Variants in TEX10 observed in about 807,000 individuals in gnomAD.
TEX10 encodes the protein testis expressed 10, also known as testis-expressed protein 10.
A neutral mutation model predicts 104.4 loss-of-function variants in TEX10; 24 were observed. The ratio of observed to expected loss-of-function variants is 0.23; its 90% confidence interval spans 0.17 to 0.32. TEX10 has a LOEUF of 0.32. Ranked by LOEUF, TEX10 falls within the 10% of genes least tolerant of loss-of-function variation. The probability of loss-of-function intolerance (pLI) is 1.00; values close to 1 mark genes in which losing one functional copy is unlikely to be tolerated. For synonymous variants in TEX10, 396 were observed against 393.4 expected (o/e 1.01, Z -0.08); for missense variants, 921 against 1,083.9 (o/e 0.85, Z 2.11).
intron 4 of TEX10, among the ~76,000 whole-genome samples, chr9:100,344,992 A>G (rs556268556): frequency 6.6e-6 from 1 of 152,344 alleles, no homozygotes; most frequent in Non-Finnish European, 1.5e-5. Flanking sequence ...GACTGTAAGT[A>G]CTATATACTT....
At chr9:100,325,745 G>T (rs543343724) in intron 9 of TEX10, among the ~76,000 whole-genome samples, 1 of 152,220 alleles carries the variant, frequency 6.6e-6, no homozygotes, top group African/African-American at 2.4e-5. Context: ...TGGCCAGGCT[G>T]GTCTTGAACT....
chr9:100,331,140 A>G (rs984473233), intron 5 of TEX10, among the ~76,000 whole-genome samples: 1 of 152,198 alleles, frequency 6.6e-6, no homozygotes, highest in Non-Finnish European at 1.5e-5. Flanking sequence ...ACATGCCTGT[A>G]ATCCCAGCTA....
At chr9:100,331,099 CAA>C (rs58950373) in intron 5 of TEX10, among the ~76,000 whole-genome samples, 25 of 147,192 alleles carry the variant, frequency 1.7e-4, no homozygotes, top group Admixed American at 2.7e-4. Flanking sequence ...CTACTAAATA[CAA>C]AAAAAAAAAA....
chr9:100,320,319 C>A lies in TEX10; in HGVS notation c.2148G>T (p.Val716=). 1 of 1,613,320 alleles carries A rather than the reference C, an allele frequency of 6.2e-7. No homozygotes were observed. Among genetic ancestry groups the A allele is most frequent in the South Asian group, 1.1e-5 (1 of 90,950 alleles). Residue 716 remains valine (V), a synonymous_variant, in exon 11 of 15, where the codon GTG becomes GTT. Coordinates refer to ENST00000374902, the MANE Select transcript of TEX10 (RefSeq NM_017746.4). ...GATCCAAATCTGTAAGGTAGAGAAG[C>A]ACAGGGGAAAGCTGTGTCTGGATGA... is the stretch of plus-strand genomic sequence containing the variant. The part of the protein sequence containing the change: ...PHVIQTQLSP[V]LLYLTDLDQF...
intron 5 of TEX10, among the ~76,000 whole-genome samples, chr9:100,337,255 C>T (rs1191395586): frequency 1.3e-5 from 2 of 152,180 alleles, no homozygotes; most frequent in Non-Finnish European, 2.9e-5. Context: ...GCAACTAGTA[C>T]AATAAGTGCC....
chr9:100,330,855 C>T (rs138348789), intron 5 of TEX10, among the ~76,000 whole-genome samples: 304 of 152,300 alleles, frequency 2.0e-3, no homozygotes, highest in Non-Finnish European at 2.0e-3. Flanking sequence ...GTGGCCCATG[C>T]CTGTAATCCC....
At position 100,346,987 on chromosome 9, in the gene TEX10, T is replaced by A. The variant is rs780370431; in HGVS notation, c.600A>T (p.Ile200=). ...TCCAGGACTGGGATCTGTCTCTATTTATCAGTCCTTTGGACAGCTGCTGAT... is the reference window on the plus strand; with the variant it reads ...TCCAGGACTGGGATCTGTCTCTATTAATCAGTCCTTTGGACAGCTGCTGAT... ...ISHQQLSKGL[I]NRDRSQSWIL... Residue 200 remains isoleucine (I), a synonymous_variant, in exon 3 of 15, where the codon ATA becomes ATT. Coordinates refer to ENST00000374902, the MANE Select transcript of TEX10 (RefSeq NM_017746.4). 4 of 1,614,226 alleles carry A rather than the reference T, an allele frequency of 2.5e-6. No individual in the cohort carries two copies. Among genetic ancestry groups the A allele is most frequent in the Non-Finnish European group, 1.7e-6 (2 of 1,180,020 alleles).
chr9:100,342,930 G>A (rs1433413334), intron 4 of TEX10, among the ~76,000 whole-genome samples: 4 of 151,890 alleles, frequency 2.6e-5, no homozygotes, highest in African/African-American at 9.7e-5. Context: ...GGTAGATCAC[G>A]AGGTCAGGAG....
chr9:100,329,158 A>C lies in TEX10; in HGVS notation c.1607T>G (p.Leu536Arg). The C allele has an allele frequency of 6.2e-7, 1 of 1,603,522 alleles. No individual in the cohort carries two copies. Among genetic ancestry groups the C allele is most frequent in the Non-Finnish European group, 8.5e-7 (1 of 1,177,666 alleles). Residue 536 changes from leucine (L) to arginine (R), a missense_variant, in exon 7 of 15, where the codon CTG (leucine) becomes CGG (arginine). Leu to Arg is a moderately radical substitution (Grantham distance 102). Transcript: ENST00000374902. ...FFSKIYQTEE[L>R]RSCRFRYRSK... ...ATTTTACCTGAATCTACAAGATCTC[A>C]GTTCTTCTGTCTGATAGATTTTACT...
intron 11 of TEX10, among the ~76,000 whole-genome samples, chr9:100,319,919 C>A (rs1834523602): frequency 6.6e-6 from 1 of 152,098 alleles, no homozygotes; most frequent in African/African-American, 2.4e-5. Flanking sequence ...ATTCTTAAAA[C>A]CAAAGGAACT....
intron 5 of TEX10, among the ~76,000 whole-genome samples, chr9:100,334,772 C>T (rs1291882803): frequency 6.6e-6 from 1 of 151,356 alleles, no homozygotes; most frequent in Non-Finnish European, 1.5e-5. Flanking sequence ...TCAAGTGATT[C>T]TCCCACCTCA....
At chr9:100,349,090 A>G (rs1000899400) in intron 2 of TEX10, 94 bp downstream of exon 2, 8 of 1,069,502 alleles carry the variant, frequency 7.5e-6, no homozygotes, top group Non-Finnish European at 8.8e-6. Flanking sequence ...CAAACTATTT[A>G]CTCTAAGAGT....
At chr9:100,345,579 A>T (rs1454455355) in intron 4 of TEX10, among the ~76,000 whole-genome samples, 1 of 152,222 alleles carries the variant, frequency 6.6e-6, no homozygotes, top group African/African-American at 2.4e-5. Flanking sequence ...GTTGCAAAGG[A>T]AAAGTGTAGC....
At chr9:100,342,554 AT>A (rs1180366993) in intron 4 of TEX10, among the ~76,000 whole-genome samples, 4 of 152,242 alleles carry the variant, frequency 2.6e-5, no homozygotes, top group Non-Finnish European at 4.4e-5. Flanking sequence ...GAGGAATTGA[AT>A]TTTAAATTTT....
chr9:100,344,801 G>C (rs528813579), intron 4 of TEX10, among the ~76,000 whole-genome samples: 1 of 152,268 alleles, frequency 6.6e-6, no homozygotes, highest in South Asian at 2.1e-4. Context: ...AGCCAAGATC[G>C]TGCCACTGTA....
chr9:100,350,289 C>A (rs1440769363), intron 1 of TEX10, among the ~76,000 whole-genome samples: 1 of 152,200 alleles, frequency 6.6e-6, no homozygotes, highest in Non-Finnish European at 1.5e-5. Flanking sequence ...CTCCTGCCTA[C>A]TATCTAGTGT....
chr9:100,332,453 C>G (rs1009127340), intron 5 of TEX10, among the ~76,000 whole-genome samples: 1 of 152,142 alleles, frequency 6.6e-6, no homozygotes, highest in African/African-American at 2.4e-5. Context: ...ATATACCAAC[C>G]AACAATTCTA....
In TEX10 at chr9:100,303,748, GCCCAACT is replaced by G; in HGVS notation, c.2553_2559del (p.Arg851SerfsTer26). The G allele has an allele frequency of 1.9e-6, 3 of 1,614,040 alleles. No homozygotes were observed. Among genetic ancestry groups the G allele is most frequent in the Non-Finnish European group, 1.7e-6 (2 of 1,180,018 alleles). ...TGGCCCACAACAGGCAGCTCCTCAG[GCCCAACT>G]CTGTTCACCCGCAGGCTCTGCAGCA... is the stretch of plus-strand genomic sequence containing the variant. On this transcript the variant is annotated frameshift_variant, in exon 14 of 15. Coordinates refer to ENST00000374902, the MANE Select transcript of TEX10 (RefSeq NM_017746.4). LOFTEE classifies it high-confidence loss of function.
chr9:100,341,717 G>A (rs73658714), intron 4 of TEX10, among the ~76,000 whole-genome samples: 3 of 152,212 alleles, frequency 2.0e-5, no homozygotes, highest in African/African-American at 7.2e-5. Context: ...CAGCCAGGGT[G>A]ATCTTTTAAA....
Sources: gnomAD v4.1 joint callset for allele counts (sites outside exome capture counted in the v4.1 genomes callset) on GRCh38, gnomAD v4.1.1 for gene constraint, MANE v1.5 for transcripts, NCBI Gene and HGNC (gene_info 2026-07-23, HGNC 2026-07-21) for gene names.